Variants in IMMP2L observed in about 807,000 individuals in gnomAD.
The protein encoded by IMMP2L is inner mitochondrial membrane peptidase subunit 2.
IMMP2L carries 18 observed loss-of-function variants against 19.3 expected under a neutral mutation model. That is an observed-to-expected ratio of 0.93 (90% CI 0.64 to 1.38). The LOEUF (loss-of-function observed/expected upper bound fraction) is 1.38, where lower values mean the gene tolerates loss of function less well. Ranked by LOEUF, IMMP2L falls within the 40% of genes most tolerant of loss-of-function variation. IMMP2L has a pLI of 0.00. For missense variants in IMMP2L, 233 were observed against 218.2 expected (o/e 1.07, Z -0.43); for synonymous variants, 76 against 73.0 (o/e 1.04, Z -0.21).
At position 111,213,379 on chromosome 7, in the gene IMMP2L, A is replaced by C. The variant is rs2129619154; in HGVS notation, c.240-249814T>G. Among the ~76,000 whole-genome samples, 1 of 152,004 alleles carries C rather than the reference A, an allele frequency of 6.6e-6. No individual in the cohort carries two copies. Among genetic ancestry groups the C allele is most frequent in the East Asian group, 1.9e-4 (1 of 5,150 alleles). ...GGCAGCTTGGTGCTGGCCTGCAGGC[A>C]CCCCACAGCACAAACAGCCTGGGTG... On this transcript the variant is annotated intron_variant, in intron 3 of 5. Coordinates refer to ENST00000405709, the MANE Select transcript of IMMP2L (RefSeq NM_032549.4). This position sits in a 1 kb window ranked among gnomAD's most constrained non-coding sequence, Gnocchi z 4.8.
At chr7:111,348,724 T>C (rs1421201933) in intron 3 of IMMP2L, among the ~76,000 whole-genome samples, 2 of 152,134 alleles carry the variant, frequency 1.3e-5, no homozygotes, top group African/African-American at 2.4e-5. Flanking sequence ...CTTTAGAAAC[T>C]GTTAAGATAG....
At chr7:111,141,044 A>G (rs1280358767) in intron 3 of IMMP2L, among the ~76,000 whole-genome samples, 1 of 152,166 alleles carries the variant, frequency 6.6e-6, no homozygotes, top group Non-Finnish European at 1.5e-5. Flanking sequence ...ATGAATGGCT[A>G]GTTGGTGAAA....
At chr7:110,745,169 C>T (rs1030539438) in intron 5 of IMMP2L, among the ~76,000 whole-genome samples, 2 of 151,978 alleles carry the variant, frequency 1.3e-5, no homozygotes, top group Non-Finnish European at 2.9e-5. Context: ...AAGATCAACT[C>T]AATGAAATAA....
At chr7:110,725,665 C>T (rs1431309591) in intron 5 of IMMP2L, 2 of 152,142 alleles carry the variant, frequency 1.3e-5, no homozygotes, top group Non-Finnish European at 2.9e-5. Flanking sequence ...TTGAAATAAT[C>T]ACTTGCTAAT....
intron 3 of IMMP2L, among the ~76,000 whole-genome samples, chr7:111,297,104 C>T (rs1821718070): frequency 6.6e-6 from 1 of 151,968 alleles, no homozygotes; most frequent in Admixed American, 6.6e-5. Flanking sequence ...AATGAGGAAT[C>T]TTTGGGATAA....
At chr7:110,897,609 T>C (rs920315237) in intron 4 of IMMP2L, among the ~76,000 whole-genome samples, 1 of 152,158 alleles carries the variant, frequency 6.6e-6, no homozygotes, top group Non-Finnish European at 1.5e-5. Flanking sequence ...TGCCATAACA[T>C]AACTATGTAA....
At chr7:110,834,493 C>A (rs570908150) in intron 5 of IMMP2L, among the ~76,000 whole-genome samples, 11 of 152,022 alleles carry the variant, frequency 7.2e-5, no homozygotes, top group African/African-American at 2.7e-4. Flanking sequence ...GAGACTGGTA[C>A]CAGAAGAAAT....
At position 111,107,886 on chromosome 7, in the gene IMMP2L, A is replaced by T. The variant is rs118050541; in HGVS notation, c.240-144321T>A. ...CATGCAAAGCTTAAACTTTTAAGTA[A>T]ATTTTACTAGTTTCATGTGTGCTGC... On this transcript the variant is annotated intron_variant, in intron 3 of 5. Transcript: ENST00000405709. Among the ~76,000 whole-genome samples the T allele has an allele frequency of 7.7e-4, 117 of 152,244 alleles. 1 individual carries two copies. The East Asian group carries it at 0.022, about 28-fold the overall frequency.
At chr7:111,380,465 C>A (rs1831089316) in intron 3 of IMMP2L, among the ~76,000 whole-genome samples, 1 of 151,934 alleles carries the variant, frequency 6.6e-6, no homozygotes, top group Non-Finnish European at 1.5e-5. Context: ...AGGACTAGTG[C>A]TAGGGTTCAG....
At position 111,260,122 on chromosome 7, in the gene IMMP2L, C is replaced by G. The variant is rs185271677; in HGVS notation, c.239+227116G>C. On this transcript the variant is annotated intron_variant, in intron 3 of 5. Coordinates refer to ENST00000405709, the MANE Select transcript of IMMP2L (RefSeq NM_032549.4). ...CACTCTAAAATGATTAAAAGTATAG[C>G]ATAGTAAATACATAAGCCAGTAACA... 5.9e-5 allele frequency among the ~76,000 whole-genome samples: 9 copies of G among 152,242 alleles called. No individual in the cohort carries two copies. The East Asian group carries it at 1.7e-3, about 29-fold the overall frequency.
At chr7:111,186,927 C>T (rs186453403) in intron 3 of IMMP2L, among the ~76,000 whole-genome samples, 1 of 151,780 alleles carries the variant, frequency 6.6e-6, no homozygotes, top group African/African-American at 2.4e-5. Flanking sequence ...ACTTCCCCCT[C>T]GTCCTTGCTT....
intron 5 of IMMP2L, among the ~76,000 whole-genome samples, chr7:110,706,843 A>G (rs1256697150): frequency 6.6e-6 from 1 of 151,858 alleles, no homozygotes; most frequent in Non-Finnish European, 1.5e-5. Flanking sequence ...GATGCTCCTT[A>G]GTTTAATTAG....
intron 5 of IMMP2L, among the ~76,000 whole-genome samples, chr7:110,874,525 C>A (rs973144361): frequency 1.4e-4 from 22 of 151,726 alleles, no homozygotes; most frequent in Admixed American, 6.6e-5. Flanking sequence ...TATTATTATA[C>A]CAAACATATA....
intron 2 of IMMP2L, among the ~76,000 whole-genome samples, chr7:111,497,834 A>G (rs1843737140): frequency 6.6e-6 from 1 of 151,882 alleles, no homozygotes; most frequent in Non-Finnish European, 1.5e-5. Context: ...AAACTAATAT[A>G]TATAAAGTCA....
intron 4 of IMMP2L, among the ~76,000 whole-genome samples, chr7:110,914,278 T>A (rs1813356571): frequency 6.6e-6 from 1 of 152,190 alleles, no homozygotes; most frequent in Non-Finnish European, 1.5e-5. Context: ...TTGTCTGCAG[T>A]TGATCTGGGA....
In IMMP2L at chr7:110,956,239, T is replaced by C. The variant is rs181100152; in HGVS notation, c.305+7261A>G. 1.1e-3 allele frequency among the ~76,000 whole-genome samples: 174 copies of C among 152,196 alleles called. 1 individual carries two copies. The highest frequency in any genetic ancestry group is 4.1e-3 in the African/African-American group (171 of 41,576). The stretch of plus-strand genomic sequence containing the variant: ...ACTCAAAGACAAATTGTCATTTAAA[T>C]ATTTTGCAGTGAGAGAAGACTCATG... On this transcript the variant is annotated intron_variant, in intron 4 of 5. Coordinates refer to ENST00000405709, the MANE Select transcript of IMMP2L (RefSeq NM_032549.4).
At chr7:110,941,351 G>A (rs1478759238) in intron 4 of IMMP2L, among the ~76,000 whole-genome samples, 2 of 152,142 alleles carry the variant, frequency 1.3e-5, no homozygotes, top group Non-Finnish European at 2.9e-5. Context: ...TATTGTGACT[G>A]TCTGGGAAAA....
intron 5 of IMMP2L, among the ~76,000 whole-genome samples, chr7:110,670,112 T>C (rs1791788749): frequency 6.6e-6 from 1 of 152,132 alleles, no homozygotes; most frequent in African/African-American, 2.4e-5. Context: ...AAATGAGGCC[T>C]GAAGGCAACC....
chr7:111,442,053 C>T (rs2131801125), intron 3 of IMMP2L, among the ~76,000 whole-genome samples: 2 of 151,818 alleles, frequency 1.3e-5, no homozygotes, highest in East Asian at 1.9e-4. Context: ...AAGAGAATCG[C>T]TTGAACCCAG....
Sources: allele counts gnomAD v4.1 joint callset (sites outside exome capture counted in the v4.1 genomes callset), GRCh38; gene constraint gnomAD v4.1.1; non-coding constraint Gnocchi (gnomAD v3.1); transcripts MANE v1.5; gene names NCBI Gene and HGNC (gene_info 2026-07-23, HGNC 2026-07-21).